ASNS: variants seen among roughly 807,000 people sequenced by gnomAD.
The protein encoded by ASNS is asparagine synthetase [glutamine-hydrolyzing].
Under a neutral mutation model 62.6 loss-of-function variants are expected in ASNS, and 37 were observed. The ratio of observed to expected loss-of-function variants is 0.59; its 90% CI spans 0.45 to 0.78. The LOEUF is 0.78. Among genes scored for constraint, ASNS ranks in the 30% least tolerant of loss-of-function variants. The pLI, the probability that ASNS is intolerant of heterozygous loss-of-function variation, is 0.00. For missense variants in ASNS, 520 were observed against 682.4 expected (o/e 0.76, Z 2.65); for synonymous variants, 207 against 237.9 (o/e 0.87, Z 1.19).
chr7:97,895,433 C>T, the ASNS span, among the ~76,000 whole-genome samples: 1 of 152,190 alleles, frequency 6.6e-6, no homozygotes, highest in Admixed American at 6.5e-5. Flanking sequence ...CAAATTGTCT[C>T]ACTTTGCAAA....
At chr7:97,896,619 C>CAT in the ASNS span, among the ~76,000 whole-genome samples, 4 of 125,476 alleles carry the variant, frequency 3.2e-5, no homozygotes, top group East Asian at 2.5e-4. Context: ...AAAAAAACCA[C>CAT]ATATATATAT....
At chr7:97,881,751 T>C in the ASNS span, among the ~76,000 whole-genome samples, 1 of 152,084 alleles carries the variant, frequency 6.6e-6, no homozygotes, top group East Asian at 1.9e-4. Flanking sequence ...ATGGATACGA[T>C]TGGGTGCAGA....
At chr7:97,855,496 A>G (rs767424569) in intron 8 of ASNS, 37 bp from the exon 9 acceptor site, 3 of 1,492,370 alleles carry the variant, frequency 2.0e-6, no homozygotes, top group East Asian at 2.3e-5. Flanking sequence ...TAATGTCAAC[A>G]TAACCTTCCA....
intron 3 of ASNS, among the ~76,000 whole-genome samples, chr7:97,868,178 G>A (rs1002973953): frequency 2.0e-5 from 3 of 152,124 alleles, no homozygotes; most frequent in African/African-American, 7.2e-5. Context: ...CATGGTGGCA[G>A]GTGCCTGTAG....
At chr7:97,864,068 T>G (rs1335786736) in intron 4 of ASNS, 191 bp downstream of exon 4, 1 of 547,530 alleles carries the variant, frequency 1.8e-6, no homozygotes, top group Non-Finnish European at 3.2e-6. Context: ...AGAATCATCC[T>G]TCAAGGATTA....
chr7:97,911,154 C>T, the ASNS span, among the ~76,000 whole-genome samples: 6 of 151,980 alleles, frequency 3.9e-5, no homozygotes, highest in East Asian at 5.8e-4. Context: ...AAGTAAATTA[C>T]GTAGGGGTGA....
upstream of ASNS, among the ~76,000 whole-genome samples, chr7:97,875,969 G>A (rs1052606086): frequency 5.3e-5 from 8 of 151,778 alleles, no homozygotes; most frequent in African/African-American, 1.9e-4. Context: ...TGATTTTCAT[G>A]CATCAGCCTC....
At position 97,853,181 on chromosome 7, in the gene ASNS, A is replaced by G; in HGVS notation, c.1355T>C (p.Phe452Ser). 5.6e-6 allele frequency: 9 copies of G among 1,610,370 alleles called. No homozygotes were observed. The highest frequency in any genetic ancestry group is 7.6e-6 in the Non-Finnish European group (9 of 1,178,556). Residue 452 changes from phenylalanine (F) to serine (S), a missense_variant, in exon 12 of 13, where the codon TTT becomes TCT. Transcript: ENST00000394308. ...GIEKHLLRET[F>S]EDSNLIPKEI... ...TTTGGGTATCAGATTGGAATCCTCA[A>G]ACGTCTCTCTCAGGAGATGTTTTTC...
upstream of ASNS, among the ~76,000 whole-genome samples, chr7:97,872,784 C>G (rs1262393793): frequency 6.6e-6 from 1 of 152,224 alleles, no homozygotes; most frequent in East Asian, 1.9e-4. Flanking sequence ...TGCGTGAGGC[C>G]TAAAATGTCC....
intron 3 of ASNS, among the ~76,000 whole-genome samples, chr7:97,868,472 G>C (rs1402809839): frequency 6.6e-6 from 1 of 151,766 alleles, no homozygotes; most frequent in Non-Finnish European, 1.5e-5. Context: ...ATATATTTAG[G>C]AGTGTCATAA....
upstream of ASNS, chr7:97,872,675 G>C (rs1484327009): frequency 6.6e-6 from 1 of 152,310 alleles, no homozygotes; most frequent in East Asian, 1.9e-4. Flanking sequence ...GGAGGCTTCT[G>C]AACTTGGTTT....
the ASNS span, among the ~76,000 whole-genome samples, chr7:97,899,485 T>C: frequency 9.8e-5 from 15 of 152,326 alleles, no homozygotes; most frequent in African/African-American, 4.8e-5. Context: ...TGCTTTTCTT[T>C]GCATTTTTTA....
chr7:97,852,513 G>A, intron 12 of ASNS, 45 bp from the exon 13 acceptor site: 1 of 1,557,572 alleles, frequency 6.4e-7, no homozygotes, highest in Non-Finnish European at 8.9e-7. Flanking sequence ...AAAATGGCAG[G>A]AAATACTTGT....
the ASNS span, among the ~76,000 whole-genome samples, chr7:97,878,677 A>G: frequency 2.6e-5 from 4 of 152,224 alleles, no homozygotes; most frequent in Non-Finnish European, 5.9e-5. Flanking sequence ...TTCCATGCTC[A>G]TGGGTAGGAA....
At chr7:97,868,842 A>G (rs554975915) in intron 3 of ASNS, 66 bp downstream of exon 3, 1,000 of 1,587,662 alleles carry the variant, frequency 6.3e-4, no homozygotes, top group Non-Finnish European at 8.1e-4. Context: ...AGAATATGTA[A>G]CATCATCGTA....
chr7:97,921,365 C>A, the ASNS span, among the ~76,000 whole-genome samples: 1 of 152,186 alleles, frequency 6.6e-6, no homozygotes, highest in Non-Finnish European at 1.5e-5. Context: ...TCTGTCCCAA[C>A]TATTCAACTC....
rs1554350487 is a variant in ASNS, at chr7:97,868,536, T to TGTGC, written c.249+371_249+372insGCAC. Among the ~76,000 whole-genome samples, 777 of 151,684 alleles carry TGTGC rather than the reference T, an allele frequency of 5.1e-3. 9 individuals carry two copies. The highest frequency in any genetic ancestry group is 0.017 in the African/African-American group (684 of 41,356). On this transcript the variant is annotated intron_variant, in intron 3 of 12. Transcript: ENST00000394308. ...GCAAAAACATGTGTGTGTGTGTGTG[T>TGTGC]GTGTGTGTAGAAAGAAAAATCAAGC... is the stretch of plus-strand genomic sequence containing the variant.
chr7:97,919,166 CCTCCTCACTGCAACCTG>C, the ASNS span, among the ~76,000 whole-genome samples: 9 of 151,062 alleles, frequency 6.0e-5, no homozygotes, highest in African/African-American at 1.7e-4. Context: ...ACTGCAACCT[CCTCCTCACTGCAACCTG>C]CTCCTCACTG....
the ASNS span, chr7:97,898,359 G>C: frequency 2.3e-3 from 1,197 of 521,092 alleles, 3 homozygotes; most frequent in Non-Finnish European, 2.6e-3. Flanking sequence ...TTCTTGGACT[G>C]GTGGTTCATA....
Sources: gnomAD v4.1 joint callset for allele counts (sites outside exome capture counted in the v4.1 genomes callset) on GRCh38, gnomAD v4.1.1 for gene constraint, MANE v1.5 for transcripts, NCBI Gene and HGNC (gene_info 2026-07-23, HGNC 2026-07-21) for gene names.